The following CEP350 variants were observed in gnomAD, a reference collection of about 807,000 sequenced individuals.
CEP350 encodes the protein centrosome-associated protein 350.
Under a neutral mutation model 331.8 loss-of-function variants are expected in CEP350, and 126 were observed. That is an observed-to-expected ratio of 0.38 (90% confidence interval 0.33 to 0.44). The LOEUF is 0.44. CEP350 is among the 20% of genes least tolerant of loss of function. The probability of loss-of-function intolerance (pLI) is 1.00; values close to 1 mark genes in which losing one functional copy is unlikely to be tolerated. For synonymous variants in CEP350, 1,200 were observed against 1,259.5 expected (o/e 0.95, Z 1.00); for missense variants, 3,406 against 3,634.6 (o/e 0.94, Z 1.62).
At chr1:180,016,660 GTTT>G (rs10660202) in intron 11 of CEP350, among the ~76,000 whole-genome samples, 1 of 128,278 alleles carries the variant, frequency 7.8e-6, no homozygotes, top group African/African-American at 3.0e-5. Flanking sequence ...TTTGGGTTAT[GTTT>G]TTTTTTTTTT....
chr1:180,113,572 A>AT lies in CEP350; in HGVS notation c.*2411_*2412insT, dbSNP rs1344484710. 1 of 151,820 alleles carries AT rather than the reference A, an allele frequency of 6.6e-6. No homozygotes were observed. Among genetic ancestry groups the AT allele is most frequent in the East Asian group, 1.9e-4 (1 of 5,170 alleles). The allele number at this position is 151,820 out of a possible 1,614,324, so 9.4% of individuals were successfully genotyped here. On this transcript the variant is annotated 3_prime_UTR_variant, in exon 38 of 38. Coordinates refer to ENST00000367607, the MANE Select transcript of CEP350 (RefSeq NM_014810.5). ...TGGTTATCTGTAGTTTGGTAGCAAA[A>AT]AAAAAGAAAAAAGAATCCATAATTA...
Position 180,015,915 on chromosome 1 carries a change from A to G in CEP350, c.2119A>G (p.Ser707Gly), listed in dbSNP as rs1360144959. The change falls in exon 11 of 38, where the codon AGT becomes GGT. Residue 707 changes from serine (S) to glycine (G), a missense_variant. This residue lies in a region of CEP350 where 1,857 missense variants were observed against 1,909.2 expected (regional missense o/e 0.97). Transcript: ENST00000367607. ...KENKVQERPP[S>G]ASSSSDMSLS... The stretch of plus-strand genomic sequence containing the variant: ...AAACAAAGTACAGGAACGTCCCCCA[A>G]GTGCATCTTCCAGTAGTGACATGTC... 1.2e-6 allele frequency: 2 copies of G among 1,613,912 alleles called. No homozygotes were observed. Among genetic ancestry groups the G allele is most frequent in the Non-Finnish European group, 1.7e-6 (2 of 1,179,834 alleles).
In CEP350 at chr1:180,040,403, G is replaced by A. The variant is rs1057506717; in HGVS notation, c.4111-735G>A. 2.0e-5 allele frequency among the ~76,000 whole-genome samples: 3 copies of A among 151,920 alleles called. No homozygotes were observed. In the East Asian group the frequency reaches 5.8e-4, roughly 29 times the overall value. Reference sequence around the variant, plus strand: ...CAGATTTGGGCAGAGCATTACCACAGCCTTACATACAGCCTTACCACCATT... The same window carrying A: ...CAGATTTGGGCAGAGCATTACCACAACCTTACATACAGCCTTACCACCATT... On this transcript the variant is annotated intron_variant, in intron 17 of 37. Coordinates refer to ENST00000367607, the MANE Select transcript of CEP350 (RefSeq NM_014810.5).
intron 37 of CEP350, among the ~76,000 whole-genome samples, chr1:180,104,002 A>AAAATATATAC: frequency 6.8e-6 from 1 of 147,154 alleles, no homozygotes; most frequent in African/African-American, 2.5e-5. Context: ...TATATATTTT[A>AAAATATATAC]AAATATATAC....
intron 4 of CEP350, among the ~76,000 whole-genome samples, chr1:179,991,581 C>G (rs1653069144): frequency 6.6e-6 from 1 of 151,040 alleles, no homozygotes; most frequent in Non-Finnish European, 1.5e-5. Flanking sequence ...AGCCACCATG[C>G]CAGGCCATTC....
Position 180,096,128 on chromosome 1 carries a change from A to T in CEP350, c.9010A>T (p.Ile3004Phe). ...ACCTGTCTGGATGAAGCCATGTAGA[A>T]TCAACTCTAGTTATTTCCGACGAGT... ...NQPVWMKPCRINSSYFRRVKN... is the reference protein window; with the variant it reads ...NQPVWMKPCRFNSSYFRRVKN... The change falls in exon 36 of 38, where the codon ATC (isoleucine) becomes TTC (phenylalanine). Residue 3004 changes from isoleucine to phenylalanine, a missense_variant. Physicochemically the swap from Ile to Phe is conservative, Grantham distance 21. Coordinates refer to ENST00000367607, the MANE Select transcript of CEP350 (RefSeq NM_014810.5). 1.3e-6 allele frequency: 2 copies of T among 1,567,578 alleles called. No homozygotes were observed. The highest frequency in any genetic ancestry group is 1.7e-6 in the Non-Finnish European group (2 of 1,154,242).
At chr1:180,101,369 C>T (rs1660796996) in intron 37 of CEP350, among the ~76,000 whole-genome samples, 1 of 152,174 alleles carries the variant, frequency 6.6e-6, no homozygotes, top group South Asian at 2.1e-4. Flanking sequence ...TCTCCTCTCC[C>T]ATAATTAGAT....
chr1:180,022,716 A>G lies in CEP350; in HGVS notation c.3254A>G (p.Asp1085Gly), dbSNP rs1655407790. The change falls in exon 13 of 38, where the codon GAC becomes GGC. Residue 1085 changes from aspartate to glycine, a missense_variant. By Grantham distance (94) the Asp-to-Gly change is moderately conservative. Around this residue, in one of 5 missense-constraint regions of CEP350, gnomAD observed 1,857 missense variants for 1,909.2 expected, o/e 0.97. Coordinates refer to ENST00000367607, the MANE Select transcript of CEP350 (RefSeq NM_014810.5). ...LYGKGFEDKL[D>G]RGTSTSRPLN... ...TTGTCAGGGTTTGAAGACAAGTTGGACAGAGGAACATCAACATCACGGCCT... is the reference window on the plus strand; with the variant it reads ...TTGTCAGGGTTTGAAGACAAGTTGGGCAGAGGAACATCAACATCACGGCCT... 1 of 1,612,274 alleles carries G rather than the reference A, an allele frequency of 6.2e-7. No homozygotes were observed. The highest frequency in any genetic ancestry group is 1.3e-5 in the African/African-American group (1 of 74,928).
Position 180,095,845 on chromosome 1 carries a change from A to G in CEP350, c.8834A>G (p.His2945Arg). 2 of 1,613,970 alleles carry G rather than the reference A, an allele frequency of 1.2e-6. No individual in the cohort carries two copies. Among genetic ancestry groups the G allele is most frequent in the Non-Finnish European group, 1.7e-6 (2 of 1,179,876 alleles). The change falls in exon 35 of 38, where the codon CAT becomes CGT. Residue 2945 changes from histidine (H) to arginine (R), a missense_variant. Physicochemically the swap from His to Arg is conservative, Grantham distance 29. Coordinates refer to ENST00000367607, the MANE Select transcript of CEP350 (RefSeq NM_014810.5). ...WKWKELGHDLHSISIPTKLLG... is the reference protein window; with the variant it reads ...WKWKELGHDLRSISIPTKLLG... ...TGGAAAGAATTAGGCCACGATCTTC[A>G]TAGCATCAGTATTCCTACAAAACTG...
At chr1:180,004,927 C>T (rs1208179811) in intron 7 of CEP350, among the ~76,000 whole-genome samples, 2 of 74,960 alleles carry the variant, frequency 2.7e-5, no homozygotes, top group Non-Finnish European at 5.4e-5. Context: ...TTCTTTCTTT[C>T]TTTCTTTCTT....
intron 24 of CEP350, 31 bp from the exon 25 acceptor site, chr1:180,054,384 T>C: frequency 6.7e-7 from 1 of 1,492,236 alleles, no homozygotes; most frequent in Non-Finnish European, 9.2e-7. Flanking sequence ...TTTAATCAAA[T>C]CTTTGTCTCA....
intron 36 of CEP350, 144 bp downstream of exon 36, chr1:180,096,328 A>C: frequency 1.2e-6 from 1 of 845,658 alleles, no homozygotes; most frequent in Non-Finnish European, 1.7e-6. Flanking sequence ...TTCAATAAAG[A>C]TTTGTTGACT....
intron 26 of CEP350, among the ~76,000 whole-genome samples, chr1:180,063,523 T>C (rs945185981): frequency 2.6e-5 from 4 of 151,888 alleles, no homozygotes; most frequent in Non-Finnish European, 4.4e-5. Flanking sequence ...AAAATGTCAA[T>C]GTAGGGCTGG....
At chr1:180,058,120 T>C (rs1225479974) in intron 25 of CEP350, among the ~76,000 whole-genome samples, 2 of 152,228 alleles carry the variant, frequency 1.3e-5, no homozygotes, top group Non-Finnish European at 2.9e-5. Context: ...TGTCTTGGTA[T>C]ATATCCTAAA....
At chr1:180,019,853 TGCAGTGCA>T in intron 11 of CEP350, 88 bp from the exon 12 acceptor site, 1 of 1,006,028 alleles carries the variant, frequency 9.9e-7, no homozygotes, top group Non-Finnish European at 1.4e-6. Context: ...CTTTTTTTGT[TGCAGTGCA>T]TCCTCATTAC....
intron 28 of CEP350, among the ~76,000 whole-genome samples, chr1:180,077,518 T>C (rs895370056): frequency 2.0e-5 from 3 of 151,630 alleles, no homozygotes; most frequent in African/African-American, 4.8e-5. Flanking sequence ...TACAGAAATA[T>C]TAGCCGGGCA....
Position 180,019,844 on chromosome 1 carries a change from T to G in CEP350, c.2175-105T>G, listed in dbSNP as rs183924951. On this transcript the variant is annotated intron_variant, in intron 11 of 37. Coordinates refer to ENST00000367607, the MANE Select transcript of CEP350 (RefSeq NM_014810.5). ...TCTTTTTTATATTTTTTATCTGTCC[T>G]TTTTTTGTTGCAGTGCATCCTCATT... is the stretch of plus-strand genomic sequence containing the variant. 498 of 913,414 alleles carry G rather than the reference T, an allele frequency of 5.5e-4. 2 individuals carry two copies. The African/African-American group carries it at 7.4e-3, about 14-fold the overall frequency. 56.6% of individuals were successfully genotyped at this position (913,414 alleles called of 1,614,324 possible).
At chr1:180,023,936 A>G (rs2148848256) in intron 13 of CEP350, among the ~76,000 whole-genome samples, 1 of 152,278 alleles carries the variant, frequency 6.6e-6, no homozygotes, top group Admixed American at 6.5e-5. Flanking sequence ...ATATGAGAAA[A>G]AGCATAGTTT....
Position 180,062,248 on chromosome 1 carries a change from A to T in CEP350, c.5291A>T (p.Asn1764Ile). 6.2e-7 allele frequency: 1 copy of T among 1,610,328 alleles called. No individual in the cohort carries two copies. The highest frequency in any genetic ancestry group is 8.5e-7 in the Non-Finnish European group (1 of 1,178,080). Residue 1764 changes from asparagine to isoleucine, a missense_variant, in exon 26 of 38, where the codon AAT becomes ATT. By Grantham distance (149) the Asn-to-Ile change is moderately radical. Coordinates refer to ENST00000367607, the MANE Select transcript of CEP350 (RefSeq NM_014810.5). ...GAAATAAAACGTCTTCAAGAAGCCA[A>T]TAAGGCAGCTCGGAAGGAAAGACAG... The part of the protein sequence containing the change: ...KAEIKRLQEA[N>I]KAARKERQLI...
Sources: gnomAD v4.1 joint callset for allele counts (sites outside exome capture counted in the v4.1 genomes callset) on GRCh38, gnomAD v4.1.1 for gene constraint, gnomAD v4.1.1 regional missense constraint, MANE v1.5 for transcripts, NCBI Gene and HGNC (gene_info 2026-07-23, HGNC 2026-07-21) for gene names.